The following IFT140 variants were observed in gnomAD, a reference collection of about 807,000 sequenced individuals.
IFT140 encodes the protein intraflagellar transport protein 140 homolog.
Under a neutral mutation model 164.6 loss-of-function variants are expected in IFT140, and 133 were observed. The ratio of observed to expected loss-of-function variants is 0.81; its 90% CI spans 0.70 to 0.93. IFT140 has a LOEUF of 0.93. Among genes scored for constraint, IFT140 ranks in the 40% least tolerant of loss-of-function variants. The pLI, the probability that IFT140 is intolerant of heterozygous loss-of-function variation, is 0.00. For synonymous variants in IFT140, 860 were observed against 817.3 expected, an observed-to-expected ratio of 1.05 and a Z score of -0.89; for missense variants, 2,045 against 1,972.3, an observed-to-expected ratio of 1.04 and a Z score of -0.70.
At chr16:1,541,299 C>A in intron 19 of IFT140, 4 of 985,046 alleles carry the variant, frequency 4.1e-6, no homozygotes, top group Non-Finnish European at 4.8e-6. Flanking sequence ...AGGTGGGGGG[C>A]ACTGGTTCAG....
chr16:1,591,563 C>G (rs952361500), intron 6 of IFT140, among the ~76,000 whole-genome samples: 1 of 152,240 alleles, frequency 6.6e-6, no homozygotes, highest in African/African-American at 2.4e-5. Context: ...CAGCAACCCA[C>G]ACACCTGGGC....
In IFT140 at chr16:1,545,154, C is replaced by T. The variant is rs2032060172; in HGVS notation, c.2399+12781G>A. On this transcript the variant is annotated intron_variant, in intron 19 of 30. Coordinates refer to ENST00000426508, the MANE Select transcript of IFT140 (RefSeq NM_014714.4). Reference sequence around the variant, plus strand: ...AAACCGAGCTGTCTTACAGCATTCCCGGGGGACAGGGCTGGAGGCCTTCGG... The same window carrying T: ...AAACCGAGCTGTCTTACAGCATTCCTGGGGGACAGGGCTGGAGGCCTTCGG... Among the ~76,000 whole-genome samples the T allele has an allele frequency of 3.3e-5, 5 of 152,218 alleles. No homozygotes were observed. The South Asian group carries it at 6.2e-4, about 19-fold the overall frequency.
intron 19 of IFT140, chr16:1,530,764 C>T (rs1437859418): frequency 6.7e-6 from 1 of 149,700 alleles, no homozygotes; most frequent in Non-Finnish European, 1.5e-5. Flanking sequence ...CCTGGTTTTG[C>T]TCTGGTTCCT....
Position 1,589,505 on chromosome 16 carries a change from T to C in IFT140, c.810+100A>G. 16 of 1,255,938 alleles carry C rather than the reference T, an allele frequency of 1.3e-5. No individual in the cohort carries two copies. The South Asian group carries it at 1.8e-4, about 14-fold the overall frequency. 77.8% of individuals were successfully genotyped at this position (1,255,938 alleles called of 1,614,324 possible). On this transcript the variant is annotated intron_variant, in intron 7 of 30. Transcript: ENST00000426508. ...GCCCTAACTCAGTTGATAGGCTTTT[T>C]TTCAGTCTTGCTATCCAGAAGAGAA...
In IFT140 at chr16:1,580,540, TTCCTGAGGCC is replaced by T. The variant is rs2034501608; in HGVS notation, c.1524+209_1524+218del. 6.7e-6 allele frequency: 3 copies of T among 449,722 alleles called. No individual in the cohort carries two copies. In the East Asian group the frequency reaches 1.3e-4, roughly 19 times the overall value. The allele number at this position is 449,722 out of a possible 1,614,324, so 27.9% of individuals were successfully genotyped here. ...TTCGCCTCCCACCAGGATTGTAAGT[TTCCTGAGGCC>T]TCCGCAGTCATGCTTCCTGTAAAGC... On this transcript the variant is annotated intron_variant, in intron 13 of 30. Coordinates refer to ENST00000426508, the MANE Select transcript of IFT140 (RefSeq NM_014714.4).
intron 3 of IFT140, among the ~76,000 whole-genome samples, chr16:1,604,229 G>A (rs1415881896): frequency 6.6e-6 from 1 of 151,654 alleles, no homozygotes; most frequent in Non-Finnish European, 1.5e-5. Flanking sequence ...GGAGCCTGCT[G>A]GCAACAGGGG....
At chr16:1,598,661 C>T (rs886899277) in intron 4 of IFT140, among the ~76,000 whole-genome samples, 3 of 152,246 alleles carry the variant, frequency 2.0e-5, no homozygotes, top group Admixed American at 1.3e-4. Context: ...CACTATGAGC[C>T]GGCCCAGGCC....
chr16:1,589,126 C>T (rs572785701), intron 7 of IFT140, among the ~76,000 whole-genome samples: 74 of 152,264 alleles, frequency 4.9e-4, no homozygotes, highest in African/African-American at 1.7e-3. Context: ...TGTAAAGGCC[C>T]GAATGAACAC....
chr16:1,549,755 C>T (rs1475023426), intron 19 of IFT140, among the ~76,000 whole-genome samples: 1 of 151,970 alleles, frequency 6.6e-6, no homozygotes, highest in East Asian at 1.9e-4. Flanking sequence ...TTTTCAAAGA[C>T]ACAGCTTTCT....
rs1696165880 is a variant in IFT140, at chr16:1,564,929, A to G, written c.1902-767T>C. Among the ~76,000 whole-genome samples the G allele has an allele frequency of 2.0e-5, 3 of 152,286 alleles. No homozygotes were observed. The highest frequency in any genetic ancestry group is 7.2e-5 in the African/African-American group (3 of 41,552). On this transcript the variant is annotated intron_variant, in intron 16 of 30. Coordinates refer to ENST00000426508, the MANE Select transcript of IFT140 (RefSeq NM_014714.4). The surrounding 1 kb of genome is among the most constrained non-coding windows in gnomAD (Gnocchi z 5.5). ...CACGTTCGGCACCAGTGCAGAGCAG[A>G]GCAGAAAGCAGGGCAGAGGGGCGAG...
At chr16:1,602,029 C>T (rs2035820115) in intron 4 of IFT140, among the ~76,000 whole-genome samples, 1 of 152,238 alleles carries the variant, frequency 6.6e-6, no homozygotes, top group Admixed American at 6.5e-5. Flanking sequence ...GAAAATGTGA[C>T]TGGACACTGC....
chr16:1,544,285 G>A (rs1055360528), intron 19 of IFT140, among the ~76,000 whole-genome samples: 3 of 151,460 alleles, frequency 2.0e-5, no homozygotes, highest in African/African-American at 7.3e-5. Flanking sequence ...CCGGGTTCAC[G>A]CCATTCTCCT....
At chr16:1,575,147 T>A (rs1489542252) in intron 13 of IFT140, among the ~76,000 whole-genome samples, 1 of 151,608 alleles carries the variant, frequency 6.6e-6, no homozygotes, top group Non-Finnish European at 1.5e-5. Flanking sequence ...GGAGGGTCAC[T>A]TCAGCTTGGT....
Position 1,511,164 on chromosome 16 carries a change from G to T in IFT140, c.4183-14C>A, listed in dbSNP as rs936709914. 43 of 1,590,348 alleles carry T rather than the reference G, an allele frequency of 2.7e-5. No homozygotes were observed. Among genetic ancestry groups the T allele is most frequent in the Non-Finnish European group, 3.5e-5 (41 of 1,169,302 alleles). ...GAATCTGTAGGCCTGGGGCAGAGGAGCAGACATTACTCAGCTTTCCTGAAC... is the reference window on the plus strand; with the variant it reads ...GAATCTGTAGGCCTGGGGCAGAGGATCAGACATTACTCAGCTTTCCTGAAC... On this transcript the variant is annotated splice_polypyrimidine_tract_variant and intron_variant, in intron 30 of 30. Transcript: ENST00000426508.
chr16:1,602,263 A>G (rs2035831260), intron 4 of IFT140, 107 bp downstream of exon 4: 4 of 987,586 alleles, frequency 4.1e-6, no homozygotes, highest in Middle Eastern at 2.1e-4. Flanking sequence ...GACAAGATCA[A>G]CTGAATTTGG....
intron 19 of IFT140, among the ~76,000 whole-genome samples, chr16:1,552,396 T>C (rs1434882633): frequency 6.6e-6 from 1 of 151,986 alleles, no homozygotes; most frequent in Non-Finnish European, 1.5e-5. Flanking sequence ...GTGCCTGCCC[T>C]GCCTCCAGGA....
chr16:1,514,214 A>T (rs1196697156), intron 30 of IFT140: 1 of 151,538 alleles, frequency 6.6e-6, no homozygotes, highest in East Asian at 2.0e-4. Context: ...TAAAAATGCA[A>T]AAAAAATTAA....
chr16:1,584,495 T>C, intron 10 of IFT140, 75 bp from the exon 11 acceptor site: 1 of 1,177,432 alleles, frequency 8.5e-7, no homozygotes, highest in Non-Finnish European at 1.2e-6. Context: ...AGGAGAATAC[T>C]TACACACACG....
chr16:1,571,748 G>C (rs550878820), intron 13 of IFT140, among the ~76,000 whole-genome samples: 1 of 152,368 alleles, frequency 6.6e-6, no homozygotes, highest in African/African-American at 2.4e-5. Context: ...TGCTGCGGGG[G>C]AAGGACGGGG....
Sources: gnomAD v4.1 joint callset for allele counts (sites outside exome capture counted in the v4.1 genomes callset) on GRCh38, gnomAD v4.1.1 for gene constraint, Gnocchi (gnomAD v3.1) non-coding constraint, MANE v1.5 for transcripts, NCBI Gene and HGNC (gene_info 2026-07-23, HGNC 2026-07-21) for gene names.